PRMT3: variants seen among roughly 807,000 people sequenced by gnomAD.
PRMT3 encodes the protein protein arginine N-methyltransferase 3.
A neutral mutation model predicts 71.9 loss-of-function variants in PRMT3; 62 were observed. The observed-to-expected ratio is 0.86, with a 90% CI of 0.70 to 1.07. PRMT3 has a LOEUF of 1.07. PRMT3 is among the 50% of genes least tolerant of loss of function. The pLI is 0.00. For missense variants in PRMT3, 663 were observed against 643.0 expected, an observed-to-expected ratio of 1.03 and a Z score of -0.34; for synonymous variants, 213 against 220.4, an observed-to-expected ratio of 0.97 and a Z score of 0.30.
At chr11:20,395,769 A>G in intron 5 of PRMT3, 34 bp from the exon 6 acceptor site, 3 of 1,590,198 alleles carry the variant, frequency 1.9e-6, no homozygotes, top group Non-Finnish European at 2.6e-6. Context: ...TTGTTATAAG[A>G]TGGCCTGATA....
chr11:20,411,516 G>C (rs1177651406), intron 9 of PRMT3, among the ~76,000 whole-genome samples: 1 of 152,046 alleles, frequency 6.6e-6, no homozygotes, highest in African/African-American at 2.4e-5. Context: ...TTGAGTGTCA[G>C]ATGTAGTTAT....
intron 10 of PRMT3, among the ~76,000 whole-genome samples, chr11:20,430,258 A>G (rs1322305545): frequency 6.6e-6 from 1 of 152,164 alleles, no homozygotes; most frequent in Non-Finnish European, 1.5e-5. Context: ...AAAGACAAAA[A>G]TAGAATATAC....
At chr11:20,486,688 A>G (rs1851081144) in intron 13 of PRMT3, among the ~76,000 whole-genome samples, 1 of 152,138 alleles carries the variant, frequency 6.6e-6, no homozygotes, top group African/African-American at 2.4e-5. Context: ...TGTAATGATG[A>G]CATTATCACT....
intron 10 of PRMT3, among the ~76,000 whole-genome samples, chr11:20,437,597 TTG>T (rs1849789234): frequency 2.0e-5 from 3 of 150,518 alleles, no homozygotes; most frequent in South Asian, 4.2e-4. Flanking sequence ...GTTTTTTTTG[TTG>T]TTATTTTTGA....
At chr11:20,391,328 C>G (rs914141791) in intron 3 of PRMT3, among the ~76,000 whole-genome samples, 13 of 152,030 alleles carry the variant, frequency 8.6e-5, no homozygotes, top group African/African-American at 3.1e-4. Context: ...TCACTGCAAC[C>G]TCCGCCTCCC....
At position 20,387,879 on chromosome 11, in the gene PRMT3, G is replaced by A; in HGVS notation, c.28+105G>A. The A allele has an allele frequency of 1.3e-6, 2 of 1,534,808 alleles. No individual in the cohort carries two copies. The highest frequency in any genetic ancestry group is 1.8e-6 in the Non-Finnish European group (2 of 1,138,926). ...GACACGGGCCCGGGCAGGGTGGGGG[G>A]CTCGCAGGGATCATGAAGGAGGTGC... On this transcript the variant is annotated intron_variant, in intron 1 of 15. Coordinates refer to ENST00000331079, the MANE Select transcript of PRMT3 (RefSeq NM_005788.4). The surrounding 1 kb of genome is among the most constrained non-coding windows in gnomAD (Gnocchi z 4.3).
At chr11:20,390,577 T>C (rs1393539877) in intron 3 of PRMT3, among the ~76,000 whole-genome samples, 1 of 152,258 alleles carries the variant, frequency 6.6e-6, no homozygotes, top group Admixed American at 6.5e-5. Flanking sequence ...AAGATTAATA[T>C]GCAAAATACT....
At chr11:20,502,514 TG>T (rs1281131264) in intron 15 of PRMT3, among the ~76,000 whole-genome samples, 3 of 152,240 alleles carry the variant, frequency 2.0e-5, no homozygotes, top group Non-Finnish European at 4.4e-5. Context: ...GCTGCTATAT[TG>T]ATGCTTAGCA....
chr11:20,433,785 A>G (rs1249701875), intron 10 of PRMT3, among the ~76,000 whole-genome samples: 1 of 151,830 alleles, frequency 6.6e-6, no homozygotes, highest in East Asian at 1.9e-4. Flanking sequence ...CGTGCTGGCT[A>G]ATTTTTGTAT....
rs1351974136 is a variant in PRMT3, at chr11:20,508,323, G to C, written c.1506G>C (p.Lys502Asn). The part of the protein sequence containing the change: ...SVKAGEALKG[K>N]VTVHKNKKDP... ...TTACAGGTGAAGCCTTGAAAGGAAA[G>C]GTCACAGTTCACAAGAATAAGAAAG... The change falls in exon 16 of 16, where the codon AAG becomes AAC. Residue 502 changes from lysine to asparagine, a missense_variant. By Grantham distance (94) the Lys-to-Asn change is moderately conservative (BLOSUM62 0). Transcript: ENST00000331079. 3 of 1,608,572 alleles carry C rather than the reference G, an allele frequency of 1.9e-6. No individual in the cohort carries two copies. The highest frequency in any genetic ancestry group is 2.7e-5 in the African/African-American group (2 of 74,648).
chr11:20,406,475 T>G (rs915727082), intron 8 of PRMT3: 1 of 152,204 alleles, frequency 6.6e-6, no homozygotes, highest in East Asian at 1.9e-4. Flanking sequence ...AATGTCAGAA[T>G]TTTTTTCATT....
rs146779711 is a variant in PRMT3, at chr11:20,467,976, A to T, written c.1347+3430A>T. On this transcript the variant is annotated intron_variant, in intron 13 of 15. Transcript: ENST00000331079. Reference sequence around the variant, plus strand: ...TCCATCTGGAGCTACTTACGCAAGCATGGCCTCTTTGAATGGATTAGTCGC... The same window carrying T: ...TCCATCTGGAGCTACTTACGCAAGCTTGGCCTCTTTGAATGGATTAGTCGC... Among the ~76,000 whole-genome samples, 868 of 152,334 alleles carry T rather than the reference A, an allele frequency of 5.7e-3. 4 individuals carry two copies. The highest frequency in any genetic ancestry group is 0.02 in the South Asian group (96 of 4,828).
chr11:20,405,693 C>T (rs978201258), intron 8 of PRMT3: 8 of 152,140 alleles, frequency 5.3e-5, no homozygotes, highest in African/African-American at 1.9e-4. Context: ...AAAACACATA[C>T]TCTTATTGGA....
At chr11:20,464,099 T>C (rs1850450282) in intron 12 of PRMT3, among the ~76,000 whole-genome samples, 1 of 152,172 alleles carries the variant, frequency 6.6e-6, no homozygotes. Context: ...CCATACACAG[T>C]AGGCAAAATG....
chr11:20,411,566 A>G (rs1408590455), intron 9 of PRMT3, among the ~76,000 whole-genome samples: 2 of 152,118 alleles, frequency 1.3e-5, no homozygotes, highest in Non-Finnish European at 2.9e-5. Context: ...GAAGAAATCA[A>G]AATCAGTTTC....
chr11:20,421,022 TTTA>T (rs945844091), intron 9 of PRMT3, among the ~76,000 whole-genome samples: 3 of 151,514 alleles, frequency 2.0e-5, no homozygotes, highest in Non-Finnish European at 2.9e-5. Context: ...TTAATCAGAG[TTTA>T]TTATTATTAT....
At chr11:20,419,674 C>CT (rs1194839631) in intron 9 of PRMT3, among the ~76,000 whole-genome samples, 1 of 151,984 alleles carries the variant, frequency 6.6e-6, no homozygotes, top group Non-Finnish European at 1.5e-5. Context: ...AGTTTTGTTC[C>CT]TTTTTTTGGT....
At chr11:20,398,012 T>TAA (rs11424785) in intron 7 of PRMT3, among the ~76,000 whole-genome samples, 3,570 of 121,610 alleles carry the variant, frequency 0.029, 87 homozygotes, top group Middle Eastern at 0.057. Context: ...TGTCTCTATT[T>TAA]AAAAAAAAAA....
chr11:20,504,745 A>AGAGAGAGAGAGAGAGAGCGC (rs1491497481), intron 15 of PRMT3, among the ~76,000 whole-genome samples: 3 of 141,142 alleles, frequency 2.1e-5, no homozygotes, highest in African/African-American at 7.8e-5. Flanking sequence ...AGAGAGAGAG[A>AGAGAGAGAGAGAGAGAGCGC]GCGAGAGCGA....
Sources: gnomAD v4.1 joint callset for allele counts (sites outside exome capture counted in the v4.1 genomes callset) on GRCh38, gnomAD v4.1.1 for gene constraint, Gnocchi (gnomAD v3.1) non-coding constraint, MANE v1.5 for transcripts, NCBI Gene and HGNC (gene_info 2026-07-23, HGNC 2026-07-21) for gene names.